Variants in CELF2 observed in about 807,000 individuals in gnomAD.
CELF2 encodes CUG triplet repeat RNA-binding protein 2.
In CELF2, 8 loss-of-function variants were observed where a neutral mutation model predicts 62.6. The observed-to-expected ratio is 0.13, with a 90% CI of 0.07 to 0.23. The LOEUF is 0.23. CELF2 is among the 10% of genes least tolerant of loss of function. The pLI, the probability that CELF2 is intolerant of heterozygous loss-of-function variation, is 1.00. For synonymous variants in CELF2, 258 were observed against 250.0 expected (o/e 1.03, Z -0.30); for missense variants, 333 against 671.0 (o/e 0.50, Z 5.56).
At chr10:10,741,279 G>T in the CELF2 span, among the ~76,000 whole-genome samples, 1 of 151,914 alleles carries the variant, frequency 6.6e-6, no homozygotes, top group Non-Finnish European at 1.5e-5. Context: ...TTGGAAGGCC[G>T]AGGCAGGCAG....
At chr10:11,091,941 A>G (rs922176932) in intron 1 of CELF2, among the ~76,000 whole-genome samples, 9 of 152,236 alleles carry the variant, frequency 5.9e-5, no homozygotes, top group Non-Finnish European at 1.3e-4. Context: ...ACAGGCATTT[A>G]GAAAAGCAGA....
At chr10:10,996,375 AG>A (rs1489861983) in intron 2 of CELF2, among the ~76,000 whole-genome samples, 1 of 152,174 alleles carries the variant, frequency 6.6e-6, no homozygotes, top group Non-Finnish European at 1.5e-5. Context: ...AAGGAGCTGA[AG>A]GTTTGGTTAG....
chr10:11,085,386 G>T (rs189591642), intron 1 of CELF2, among the ~76,000 whole-genome samples: 22 of 152,218 alleles, frequency 1.4e-4, no homozygotes, highest in African/African-American at 4.8e-4. Flanking sequence ...AAAACATGGG[G>T]TACCTATAGA....
chr10:11,126,993 C>T (rs1018924075), intron 1 of CELF2, among the ~76,000 whole-genome samples: 25 of 151,948 alleles, frequency 1.6e-4, no homozygotes, highest in African/African-American at 5.8e-4. Context: ...GTTTGCTGCA[C>T]CCATACACTC....
chr10:10,646,515 T>C, the CELF2 span, among the ~76,000 whole-genome samples: 1 of 152,206 alleles, frequency 6.6e-6, no homozygotes, highest in Admixed American at 6.5e-5. Flanking sequence ...TTCTGTTCCA[T>C]TGCTACAACA....
intron 3 of CELF2, among the ~76,000 whole-genome samples, chr10:11,226,770 A>T (rs1160068176): frequency 6.6e-6 from 1 of 151,922 alleles, no homozygotes; most frequent in Admixed American, 6.5e-5. Context: ...TTTGCTAGAG[A>T]CTTTTGGGTG....
rs572675032 is a variant in CELF2 at position 10,871,815 on chromosome 10, A to G, written c.54-48149A>G. 2.0e-5 allele frequency among the ~76,000 whole-genome samples: 3 copies of G among 152,282 alleles called. No homozygotes were observed. In the East Asian group the frequency reaches 5.8e-4, roughly 30 times the overall value. ...GCTGAAGGAGAGAGGAAGTAGTGAAAAGAGGCAAACATTGCCAGAAATTTG... is the reference window on the plus strand; with the variant it reads ...GCTGAAGGAGAGAGGAAGTAGTGAAGAGAGGCAAACATTGCCAGAAATTTG... On this transcript the variant is annotated intron_variant, in intron 1 of 13. Transcript: ENST00000636488.
At chr10:11,005,163 A>G (rs1446071261), upstream of CELF2, 6 of 985,012 alleles carry the variant, frequency 6.1e-6, no homozygotes, top group East Asian at 5.7e-4. The surrounding 1 kb of genome is among the most constrained non-coding windows in gnomAD (Gnocchi z 4.3). Flanking sequence ...CTTGTCAGAG[A>G]GGATTATTTC....
intron 5 of CELF2, among the ~76,000 whole-genome samples, chr10:11,259,264 A>G (rs77441441): frequency 1.3e-5 from 2 of 152,318 alleles, no homozygotes; most frequent in Non-Finnish European, 2.9e-5. Context: ...ATTCTTAAAC[A>G]TAAAGCTTAA....
the CELF2 span, among the ~76,000 whole-genome samples, chr10:10,584,161 T>C: frequency 6.6e-6 from 1 of 152,170 alleles, no homozygotes; most frequent in African/African-American, 2.4e-5. Flanking sequence ...CTCTTCTATA[T>C]GTAGACTTAG....
At chr10:11,058,420 T>TAAAAGC (rs1310894791) in intron 1 of CELF2, among the ~76,000 whole-genome samples, 2 of 151,144 alleles carry the variant, frequency 1.3e-5, no homozygotes, top group Non-Finnish European at 3.0e-5. Flanking sequence ...CAACAACCTA[T>TAAAAGC]AAAAGCAAAT....
chr10:10,518,726 T>TAAAAA, the CELF2 span, among the ~76,000 whole-genome samples: 3,614 of 150,980 alleles, frequency 0.024, 60 homozygotes, highest in Non-Finnish European at 0.034. Context: ...GATTTTTTTT[T>TAAAAA]AAAAAAAAAT....
chr10:10,504,936 T>A, the CELF2 span, among the ~76,000 whole-genome samples: 1 of 152,180 alleles, frequency 6.6e-6, no homozygotes, highest in South Asian at 2.1e-4. Flanking sequence ...TTCCATTTGC[T>A]TCAAGTATGT....
chr10:10,836,323 A>G (rs531465161), intron 1 of CELF2, among the ~76,000 whole-genome samples: 13 of 152,358 alleles, frequency 8.5e-5, no homozygotes, highest in Admixed American at 7.8e-4. Flanking sequence ...GGGAAGATCC[A>G]GGAAGGGTGG....
chr10:10,845,249 T>A (rs1369509491), intron 1 of CELF2, among the ~76,000 whole-genome samples: 2 of 151,988 alleles, frequency 1.3e-5, no homozygotes, highest in African/African-American at 4.8e-5. Flanking sequence ...TTAAACATGT[T>A]TCCAAAGGCT....
intron 2 of CELF2, among the ~76,000 whole-genome samples, chr10:11,215,159 CAGA>C (rs2062982248): frequency 6.6e-6 from 1 of 152,162 alleles, no homozygotes; most frequent in South Asian, 2.1e-4. Context: ...ATGTAAATAG[CAGA>C]AGGACTACAC....
At chr10:10,978,404 GTTTTCA>G (rs1457083130) in intron 2 of CELF2, among the ~76,000 whole-genome samples, 4 of 152,094 alleles carry the variant, frequency 2.6e-5, no homozygotes, top group Non-Finnish European at 5.9e-5. Context: ...TAGCTCAAGA[GTTTTCA>G]TTTACATTTA....
At chr10:11,086,835 C>G (rs968420821) in intron 1 of CELF2, among the ~76,000 whole-genome samples, 1 of 152,126 alleles carries the variant, frequency 6.6e-6, no homozygotes. Context: ...AAATATATTT[C>G]TACACATTCC....
the CELF2 span, among the ~76,000 whole-genome samples, chr10:10,513,926 C>T: frequency 6.6e-6 from 1 of 152,144 alleles, no homozygotes; most frequent in Admixed American, 6.5e-5. Context: ...CTAGATCTCT[C>T]TCTAAGCTAA....
Sources: allele counts gnomAD v4.1 joint callset (sites outside exome capture counted in the v4.1 genomes callset), GRCh38; gene constraint gnomAD v4.1.1; non-coding constraint Gnocchi (gnomAD v3.1); transcripts MANE v1.5; gene names NCBI Gene and HGNC (gene_info 2026-07-23, HGNC 2026-07-21).